The following XIRP2 variants were observed in gnomAD, a reference collection of about 807,000 sequenced individuals.
The protein encoded by XIRP2 is xin actin binding repeat containing 2.
In XIRP2, 236 loss-of-function variants were observed where a neutral mutation model predicts 277.0. The observed-to-expected ratio is 0.85, with a 90% confidence interval of 0.77 to 0.95. The LOEUF is 0.95. XIRP2 is among the 40% of genes least tolerant of loss of function. XIRP2 has a pLI of 0.00. For missense variants in XIRP2, 4,640 were observed against 4,157.5 expected, an observed-to-expected ratio of 1.12 and a Z score of -3.19; for synonymous variants, 1,490 against 1,416.5, an observed-to-expected ratio of 1.05 and a Z score of -1.17.
intron 3 of XIRP2, among the ~76,000 whole-genome samples, chr2:167,209,133 C>A (rs992850402): frequency 6.6e-5 from 10 of 152,138 alleles, no homozygotes; most frequent in Admixed American, 1.3e-4. Context: ...GTACAATCAG[C>A]ATTCATATAA....
At chr2:167,185,421 T>C (rs1281023316) in intron 3 of XIRP2, among the ~76,000 whole-genome samples, 1 of 152,098 alleles carries the variant, frequency 6.6e-6, no homozygotes, top group Non-Finnish European at 1.5e-5. Flanking sequence ...ATATGTATTT[T>C]TATCAAATAC....
chr2:167,073,782 C>T (rs1689495114), intron 2 of XIRP2, among the ~76,000 whole-genome samples: 1 of 152,220 alleles, frequency 6.6e-6, no homozygotes, highest in Middle Eastern at 3.4e-3. Flanking sequence ...CCAGTTTTCT[C>T]TTTTATATTT....
At chr2:167,241,394 A>T (rs184039526) in intron 7 of XIRP2, among the ~76,000 whole-genome samples, 73 of 152,322 alleles carry the variant, frequency 4.8e-4, no homozygotes, top group African/African-American at 1.6e-3. Context: ...AGTAGAACAT[A>T]CTTGTAGAAA....
intron 2 of XIRP2, among the ~76,000 whole-genome samples, chr2:166,944,733 A>G (rs959182658): frequency 2.0e-5 from 3 of 152,186 alleles, no homozygotes; most frequent in African/African-American, 7.2e-5. Context: ...TTTTATCTTC[A>G]CAAAATCCCT....
intron 2 of XIRP2, among the ~76,000 whole-genome samples, chr2:167,128,172 C>T (rs913118323): frequency 3.9e-5 from 6 of 152,186 alleles, no homozygotes; most frequent in African/African-American, 9.6e-5. Flanking sequence ...ACTACTTTGA[C>T]GCCTAAATAT....
intron 2 of XIRP2, among the ~76,000 whole-genome samples, chr2:167,057,131 A>G (rs950200755): frequency 1.3e-5 from 2 of 152,118 alleles, no homozygotes; most frequent in African/African-American, 4.8e-5. Context: ...ACCATCATCA[A>G]CACAATCATC....
intron 2 of XIRP2, among the ~76,000 whole-genome samples, chr2:166,905,099 T>A (rs1251549372): frequency 1.3e-5 from 2 of 152,022 alleles, no homozygotes; most frequent in African/African-American, 4.8e-5. Flanking sequence ...GATTTGAAGA[T>A]TTTCTTTTTC....
At chr2:167,154,403 T>C (rs1692120101) in intron 3 of XIRP2, among the ~76,000 whole-genome samples, 2 of 151,372 alleles carry the variant, frequency 1.3e-5, no homozygotes, top group South Asian at 2.1e-4. Context: ...GCAGAAGCTC[T>C]TTAGTTTAAT....
At chr2:166,997,872 ACTCCAGC>A (rs1368221100) in intron 2 of XIRP2, among the ~76,000 whole-genome samples, 4 of 150,530 alleles carry the variant, frequency 2.7e-5, no homozygotes, top group Non-Finnish European at 5.9e-5. Flanking sequence ...GTGCCACTCC[ACTCCAGC>A]CTGGTGAAAG....
intron 2 of XIRP2, among the ~76,000 whole-genome samples, chr2:167,058,653 G>A (rs1448591427): frequency 6.6e-6 from 1 of 152,128 alleles, no homozygotes; most frequent in Non-Finnish European, 1.5e-5. Flanking sequence ...CCACTTTATA[G>A]CATGGCTGCT....
At chr2:167,018,634 T>C (rs1216001539) in intron 2 of XIRP2, among the ~76,000 whole-genome samples, 1 of 152,004 alleles carries the variant, frequency 6.6e-6, no homozygotes, top group African/African-American at 2.4e-5. Flanking sequence ...CCCCAGGGCA[T>C]TTTACTCATT....
intron 2 of XIRP2, among the ~76,000 whole-genome samples, chr2:167,080,855 A>G (rs1372841365): frequency 2.0e-5 from 3 of 152,132 alleles, no homozygotes; most frequent in African/African-American, 7.2e-5. Context: ...GTTTTAACAA[A>G]TCATGTTTAA....
intron 1 of XIRP2, among the ~76,000 whole-genome samples, chr2:166,893,294 A>G (rs2105326941): frequency 6.6e-6 from 1 of 152,224 alleles, no homozygotes; most frequent in Middle Eastern, 3.4e-3. Context: ...GCTGATAAAG[A>G]TGGCATTTAT....
chr2:166,954,874 G>A (rs1167260994), intron 2 of XIRP2, among the ~76,000 whole-genome samples: 1 of 151,256 alleles, frequency 6.6e-6, no homozygotes, highest in Non-Finnish European at 1.5e-5. Context: ...TGAGAACACA[G>A]GGACACAGGG....
intron 2 of XIRP2, among the ~76,000 whole-genome samples, chr2:166,937,679 C>T (rs1178824527): frequency 6.6e-6 from 1 of 152,148 alleles, no homozygotes; most frequent in Non-Finnish European, 1.5e-5. Flanking sequence ...CGTACCAGCT[C>T]CTCCTTGTAC....
chr2:167,022,625 G>C lies in XIRP2; in HGVS notation c.409-113284G>C, dbSNP rs937675746. ...TACCCCCACCCCACAACAGGCCCCAGAGTGTGATGTTCCCCTTCCTGTGTC... is the reference window on the plus strand; with the variant it reads ...TACCCCCACCCCACAACAGGCCCCACAGTGTGATGTTCCCCTTCCTGTGTC... On this transcript the variant is annotated intron_variant, in intron 2 of 10. Coordinates refer to ENST00000409195, the MANE Select transcript of XIRP2 (RefSeq NM_152381.6). Among the ~76,000 whole-genome samples the C allele has an allele frequency of 1.3e-5, 2 of 148,220 alleles. 1 individual carries two copies. The highest frequency in any genetic ancestry group is 4.4e-4 in the South Asian group (2 of 4,564).
intron 2 of XIRP2, among the ~76,000 whole-genome samples, chr2:167,129,869 C>CA (rs11335228): frequency 0.015 from 1,434 of 96,910 alleles, 10 homozygotes; most frequent in Middle Eastern, 0.046. Context: ...AACTCAGTCT[C>CA]AAAAAAAAAA....
At chr2:167,150,022 G>A (rs1034512340) in intron 3 of XIRP2, among the ~76,000 whole-genome samples, 31 of 151,898 alleles carry the variant, frequency 2.0e-4, no homozygotes, top group African/African-American at 7.0e-4. Flanking sequence ...CTATTTGAGT[G>A]ATGGGTTCAA....
At chr2:167,026,397 G>A in intron 2 of XIRP2, among the ~76,000 whole-genome samples, 1 of 152,120 alleles carries the variant, frequency 6.6e-6, no homozygotes, top group Non-Finnish European at 1.5e-5. Context: ...GAAGGGTCTT[G>A]ACTCTTTATC....
Sources: allele counts gnomAD v4.1 joint callset (sites outside exome capture counted in the v4.1 genomes callset), GRCh38; gene constraint gnomAD v4.1.1; transcripts MANE v1.5; gene names NCBI Gene and HGNC (gene_info 2026-07-23, HGNC 2026-07-21).